The following ZNF778 variants were observed in gnomAD, a reference collection of about 807,000 sequenced individuals.
ZNF778 encodes zinc finger protein 778.
Under a neutral mutation model 23.9 loss-of-function variants are expected in ZNF778, and 37 were observed. That is an observed-to-expected ratio of 1.54 (90% CI 1.19 to 2.03). ZNF778 has a LOEUF of 2.03. Among genes scored for constraint, ZNF778 ranks in the 30% most tolerant of loss-of-function variants. The pLI is 0.00. For synonymous variants in ZNF778, 483 were observed against 343.9 expected (o/e 1.40, Z -4.48); for missense variants, 1,297 against 934.4 (o/e 1.39, Z -5.06).
intron 1 of ZNF778, among the ~76,000 whole-genome samples, chr16:89,220,540 C>G (rs927508611): frequency 1.3e-5 from 2 of 152,196 alleles, no homozygotes; most frequent in African/African-American, 2.4e-5. Context: ...CGCCTGTAGT[C>G]TCAGCTACTT....
In ZNF778 at chr16:89,221,024, C is replaced by G. The variant is rs1021345058; in HGVS notation, c.-104C>G. On this transcript the variant is annotated 5_prime_UTR_variant, in exon 2 of 7. Transcript: ENST00000433976. ...AATAGGGATCCAGCCATCCGTGGGT[C>G]AGGAGGAATGGAGACTGTACCTTCC... 121 of 1,298,938 alleles carry G rather than the reference C, an allele frequency of 9.3e-5. No homozygotes were observed. Among genetic ancestry groups the G allele is most frequent in the African/African-American group, 2.9e-4 (20 of 68,068 alleles). 80.5% of individuals were successfully genotyped at this position (1,298,938 alleles called of 1,614,324 possible).
In ZNF778 at chr16:89,230,067, G is replaced by C; in HGVS notation, c.*1505G>C. On this transcript the variant is annotated 3_prime_UTR_variant, in exon 7 of 7. Coordinates refer to ENST00000433976, the MANE Select transcript of ZNF778 (RefSeq NM_001201407.2). ...ATCCTGTATGAGCAGCGTAGGCTCT[G>C]GTTGGTTAGTCATGCTCTTAGGCAT... 4 of 971,924 alleles carry C rather than the reference G, an allele frequency of 4.1e-6. No individual in the cohort carries two copies. Among genetic ancestry groups the C allele is most frequent in the Non-Finnish European group, 4.9e-6 (4 of 817,768 alleles). The allele number at this position is 971,924 out of a possible 1,614,324, so 60.2% of individuals were successfully genotyped here.
rs774556545 is a variant in ZNF778, at chr16:89,227,642, A to C, written c.1354A>C (p.Lys452Gln). 6.2e-7 allele frequency: 1 copy of C among 1,614,166 alleles called. No homozygotes were observed. Among genetic ancestry groups the C allele is most frequent in the South Asian group, 1.1e-5 (1 of 91,076 alleles). Residue 452 changes from lysine (K) to glutamine (Q), a missense_variant, in exon 7 of 7, where the codon AAG becomes CAG. Coordinates refer to ENST00000433976, the MANE Select transcript of ZNF778 (RefSeq NM_001201407.2). ...THTGEKPYTC[K>Q]DCGKAFCTSS... ...CACGGGCGAGAAGCCATACACGTGT[A>C]AGGACTGCGGGAAAGCCTTCTGTAC...
Position 89,233,809 on chromosome 16 carries a change from T to C in ZNF778, c.*5247T>C, listed in dbSNP as rs1356715849. ...CGTATGCAACTCAGCTCGCACTGCGTATGCAACTCAACTGTTGCAAGTACT... is the reference window on the plus strand; with the variant it reads ...CGTATGCAACTCAGCTCGCACTGCGCATGCAACTCAACTGTTGCAAGTACT... On this transcript the variant is annotated 3_prime_UTR_variant, in exon 7 of 7. Coordinates refer to ENST00000433976, the MANE Select transcript of ZNF778 (RefSeq NM_001201407.2). The C allele has an allele frequency of 7.0e-6, 9 of 1,291,506 alleles. No homozygotes were observed. The highest frequency in any genetic ancestry group is 8.1e-6 in the Non-Finnish European group (8 of 990,178). The allele number at this position is 1,291,506 out of a possible 1,614,324, so 80.0% of individuals were successfully genotyped here.
Position 89,226,905 on chromosome 16 carries a change from C to T in ZNF778, c.617C>T (p.Ala206Val), listed in dbSNP as rs2031520907. 6 of 1,613,920 alleles carry T rather than the reference C, an allele frequency of 3.7e-6. No individual in the cohort carries two copies. The African/African-American group carries it at 6.7e-5, about 18-fold the overall frequency. Reference sequence around the variant, plus strand: ...TCCGTGTTGGGTCAGTGTGGAAAAGCCTTCAGCTCTACTCCAAATGTTGTT... The same window carrying T: ...TCCGTGTTGGGTCAGTGTGGAAAAGTCTTCAGCTCTACTCCAAATGTTGTT... Reference protein sequence around the residue: ...QFSVLGQCGKAFSSTPNVVSQ... With the variant: ...QFSVLGQCGKVFSSTPNVVSQ... Residue 206 changes from alanine to valine, a missense_variant, in exon 7 of 7, where the codon GCC (alanine) becomes GTC (valine). Physicochemically the swap from Ala to Val is moderately conservative, Grantham distance 64. Coordinates refer to ENST00000433976, the MANE Select transcript of ZNF778 (RefSeq NM_001201407.2).
rs2031698941 is a variant in ZNF778 at position 89,228,405 on chromosome 16, G to A, written c.2117G>A (p.Cys706Tyr). The change falls in exon 7 of 7, where the codon TGT becomes TAT. Residue 706 changes from cysteine (C) to tyrosine (Y), a missense_variant. Coordinates refer to ENST00000433976, the MANE Select transcript of ZNF778 (RefSeq NM_001201407.2). ...TGQKPYKCKE[C>Y]GKAYNRFYLL... ...CAGAAACCCTATAAATGTAAGGAAT[G>A]TGGGAAAGCATACAATAGGTTTTAT... The A allele has an allele frequency of 6.2e-7, 1 of 1,613,998 alleles. No homozygotes were observed. The highest frequency in any genetic ancestry group is 1.6e-4 in the Middle Eastern group (1 of 6,062).
In ZNF778 at chr16:89,232,238, G is replaced by T. The variant is rs1269112477; in HGVS notation, c.*3676G>T. The T allele has an allele frequency of 5.4e-6, 1 of 184,180 alleles. No homozygotes were observed. Among genetic ancestry groups the T allele is most frequent in the African/African-American group, 2.4e-5 (1 of 42,356 alleles). 11.4% of individuals were successfully genotyped at this position (184,180 alleles called of 1,614,324 possible). A position where few individuals can be genotyped will look rare whatever the true frequency, so the allele number is the denominator to read the frequency against. ...TGCACTAGTTACTGGGAGCATGGTT[G>T]TGATAAAGCCAAGCCGTCCCTCGGG... is the stretch of plus-strand genomic sequence containing the variant. On this transcript the variant is annotated 3_prime_UTR_variant, in exon 7 of 7. Transcript: ENST00000433976.
rs1366513497 is a variant in ZNF778 at position 89,227,102 on chromosome 16, G to C, written c.814G>C (p.Val272Leu). 3 of 1,614,046 alleles carry C rather than the reference G, an allele frequency of 1.9e-6. No homozygotes were observed. Among genetic ancestry groups the C allele is most frequent in the Non-Finnish European group, 8.5e-7 (1 of 1,179,910 alleles). ...LTHSMGCATP[V>L]EMHAVRNPHV... is the part of the protein sequence containing the mutation. ...TCACTCCATGGGCTGCGCCACACCTGTTGAAATGCATGCCGTCAGGAATCC... is the reference window on the plus strand; with the variant it reads ...TCACTCCATGGGCTGCGCCACACCTCTTGAAATGCATGCCGTCAGGAATCC... Residue 272 changes from valine to leucine, a missense_variant, in exon 7 of 7, where the codon GTT (valine) becomes CTT (leucine). Val to Leu is a conservative substitution (Grantham distance 32). Coordinates refer to ENST00000433976, the MANE Select transcript of ZNF778 (RefSeq NM_001201407.2).
At position 89,228,780 on chromosome 16, in the gene ZNF778, G is replaced by T. The variant is rs2031734040; in HGVS notation, c.*218G>T. ...TCTTGCTGAATATGGATGGTATCCA[G>T]TAGAGAGAACTCTATTGATGTGTGA... On this transcript the variant is annotated 3_prime_UTR_variant, in exon 7 of 7. Coordinates refer to ENST00000433976, the MANE Select transcript of ZNF778 (RefSeq NM_001201407.2). The T allele has an allele frequency of 8.9e-6, 12 of 1,348,160 alleles. No homozygotes were observed. The highest frequency in any genetic ancestry group is 1.1e-5 in the Non-Finnish European group (12 of 1,053,566). 83.5% of individuals were successfully genotyped at this position (1,348,160 alleles called of 1,614,324 possible). A position where few individuals can be genotyped will look rare whatever the true frequency, so the allele number is the denominator to read the frequency against.
At position 89,228,596 on chromosome 16, in the gene ZNF778, C is replaced by G; in HGVS notation, c.*34C>G. 1 of 1,536,336 alleles carries G rather than the reference C, an allele frequency of 6.5e-7. No individual in the cohort carries two copies. Among genetic ancestry groups the G allele is most frequent in the Non-Finnish European group, 8.7e-7 (1 of 1,148,008 alleles). On this transcript the variant is annotated 3_prime_UTR_variant, in exon 7 of 7. Coordinates refer to ENST00000433976, the MANE Select transcript of ZNF778 (RefSeq NM_001201407.2). ...ATGTGGGGAAGCTGTCAGCTACACT[C>G]ATTCACGTTGAAGACATGAAAGACC...
chr16:89,230,222 G>A lies in ZNF778; in HGVS notation c.*1660G>A. 3.3e-6 allele frequency: 1 copy of A among 303,250 alleles called. No individual in the cohort carries two copies. Among genetic ancestry groups the A allele is most frequent in the Non-Finnish European group, 4.8e-6 (1 of 206,508 alleles). The allele number at this position is 303,250 out of a possible 1,614,324, so 18.8% of individuals were successfully genotyped here. A position where few individuals can be genotyped will look rare whatever the true frequency, so the allele number is the denominator to read the frequency against. ...AAACACCAGGGTGCAAGGAGGGGCA[G>A]AGTGGAGAGGGGCGAGGTCTGTACC... On this transcript the variant is annotated 3_prime_UTR_variant, in exon 7 of 7. Coordinates refer to ENST00000433976, the MANE Select transcript of ZNF778 (RefSeq NM_001201407.2).
At position 89,227,362 on chromosome 16, in the gene ZNF778, A is replaced by T; in HGVS notation, c.1074A>T (p.Thr358=). Residue 358 remains threonine (T), a synonymous_variant, in exon 7 of 7, where the codon ACA becomes ACT. Transcript: ENST00000433976. ...GLSGLSKHVQ[T]DPGQKPYECK... is the part of the protein sequence containing the mutation. ...CAGGTCTTTCTAAACACGTCCAAAC[A>T]GACCCTGGACAGAAGCCCTATGAAT... 1 of 1,613,992 alleles carries T rather than the reference A, an allele frequency of 6.2e-7. No homozygotes were observed. Among genetic ancestry groups the T allele is most frequent in the Non-Finnish European group, 8.5e-7 (1 of 1,179,864 alleles).
At position 89,230,147 on chromosome 16, in the gene ZNF778, AT is replaced by A; in HGVS notation, c.*1589del. On this transcript the variant is annotated 3_prime_UTR_variant, in exon 7 of 7. Transcript: ENST00000433976. ...ATGTTGGGGCATAACACAGCTCTAC[AT>A]TTTATGAAAATGCCCTTGTTCCTCT... 4 of 646,382 alleles carry A rather than the reference AT, an allele frequency of 6.2e-6. No individual in the cohort carries two copies. Among genetic ancestry groups the A allele is most frequent in the Non-Finnish European group, 7.7e-6 (4 of 521,674 alleles). 40.0% of individuals were successfully genotyped at this position (646,382 alleles called of 1,614,324 possible).
chr16:89,226,936 G>A lies in ZNF778; in HGVS notation c.648G>A (p.Gln216=), dbSNP rs2031523764. 1 of 1,614,000 alleles carries A rather than the reference G, an allele frequency of 6.2e-7. No homozygotes were observed. The highest frequency in any genetic ancestry group is 8.5e-7 in the Non-Finnish European group (1 of 1,179,890). Residue 216 remains glutamine (Q), a synonymous_variant, in exon 7 of 7, where the codon CAG becomes CAA. Transcript: ENST00000433976. ...AFSSTPNVVS[Q]QACTRDRSLD... ...GCTCTACTCCAAATGTTGTTTCCCA[G>A]CAAGCATGCACTCGGGACAGATCTC... is the stretch of plus-strand genomic sequence containing the variant.
At chr16:89,218,195 A>T (rs2030544545) in intron 1 of ZNF778, 1 of 152,354 alleles carries the variant, frequency 6.6e-6, no homozygotes, top group East Asian at 1.9e-4. Flanking sequence ...ATCCACGGTG[A>T]ACAGTGTGTT....
rs777751105 is a variant in ZNF778 at position 89,234,484 on chromosome 16, T to A, written c.*5922T>A. On this transcript the variant is annotated 3_prime_UTR_variant, in exon 7 of 7. Coordinates refer to ENST00000433976, the MANE Select transcript of ZNF778 (RefSeq NM_001201407.2). The stretch of plus-strand genomic sequence containing the variant: ...TTTCCTTTTTGGATGAAGTACCTGG[T>A]CTTGTTTTTTCCTGGTTTGTTTGAT... The A allele has an allele frequency of 5.5e-6, 1 of 180,654 alleles. No homozygotes were observed. The highest frequency in any genetic ancestry group is 1.2e-5 in the Non-Finnish European group (1 of 84,358). The allele number at this position is 180,654 out of a possible 1,614,324, so 11.2% of individuals were successfully genotyped here.
chr16:89,220,780 G>A (rs778917419), intron 1 of ZNF778, among the ~76,000 whole-genome samples: 28 of 152,298 alleles, frequency 1.8e-4, no homozygotes, highest in African/African-American at 6.7e-4. Flanking sequence ...TTTTAGGTAT[G>A]AACACGGGTG....
At position 89,228,217 on chromosome 16, in the gene ZNF778, AC is replaced by A; in HGVS notation, c.1932del (p.Tyr645ThrfsTer72). 6.2e-7 allele frequency: 1 copy of A among 1,613,406 alleles called. No homozygotes were observed. Among genetic ancestry groups the A allele is most frequent in the Non-Finnish European group, 8.5e-7 (1 of 1,179,578 alleles). Reference protein sequence around the residue: ...VHIRTHTGEKPYICKECGKAF... With the variant: ...VHIRTHTGEKXYICKECGKAF... ...ACATAAGAACCCACACCGGTGAGAA[AC>A]CCTACATATGTAAGGAGTGTGGGAA... is the stretch of plus-strand genomic sequence containing the variant. On this transcript the variant is annotated frameshift_variant, in exon 7 of 7. Transcript: ENST00000433976. LOFTEE classifies it low-confidence loss of function (END_TRUNC).
Position 89,225,663 on chromosome 16 carries a change from T to C in ZNF778, c.405+32T>C, listed in dbSNP as rs567419800. On this transcript the variant is annotated intron_variant, in intron 6 of 6. Coordinates refer to ENST00000433976, the MANE Select transcript of ZNF778 (RefSeq NM_001201407.2). ...TTAACAAGAGAGATTTTTTTATTTATCACACTCATAAAAGATTGGGAATTC... is the reference window on the plus strand; with the variant it reads ...TTAACAAGAGAGATTTTTTTATTTACCACACTCATAAAAGATTGGGAATTC... The C allele has an allele frequency of 1.6e-5, 25 of 1,567,816 alleles. 1 individual carries two copies. Among genetic ancestry groups the C allele is most frequent in the African/African-American group, 1.1e-4 (8 of 73,906 alleles).
Sources: gnomAD v4.1 joint callset for allele counts (sites outside exome capture counted in the v4.1 genomes callset) on GRCh38, gnomAD v4.1.1 for gene constraint, MANE v1.5 for transcripts, NCBI Gene and HGNC (gene_info 2026-07-23, HGNC 2026-07-21) for gene names.